Variants in OR14A2 observed in about 807,000 individuals in gnomAD.
OR14A2 encodes olfactory receptor family 14 subfamily A member 2, also known as olfactory receptor 14A2.
For synonymous variants in OR14A2, 114 were observed against 58.6 expected (o/e 1.95, Z -4.32); for missense variants, 237 against 152.9 (o/e 1.55, Z -2.90).
At chr1:247,723,690 A>G (rs1387299539) in exon 1 of OR14A2, 7 of 718,656 alleles carry the variant, frequency 9.7e-6, no homozygotes, top group Non-Finnish European at 5.2e-6. Context: ...CATAGCGGTC[A>G]TAGGACATGG....
the OR14A2 span, among the ~76,000 whole-genome samples, chr1:247,743,959 A>G: frequency 1.3e-5 from 2 of 152,186 alleles, no homozygotes; most frequent in Non-Finnish European, 2.9e-5. Context: ...ATTTTAGATC[A>G]ATTATCTACC....
the OR14A2 span, chr1:247,738,675 C>G: frequency 1.3e-6 from 1 of 780,728 alleles, no homozygotes; most frequent in Non-Finnish European, 2.4e-6. Flanking sequence ...GAATTGGGTG[C>G]TCCTGAGGCT....
chr1:247,738,584 T>G, the OR14A2 span: 1 of 734,238 alleles, frequency 1.4e-6, no homozygotes, highest in Non-Finnish European at 2.5e-6. Flanking sequence ...TTATTTTCCT[T>G]TACTCCATAG....
At chr1:247,723,855 G>T (rs1284763357) in exon 1 of OR14A2, 1 of 717,704 alleles carries the variant, frequency 1.4e-6, no homozygotes, top group South Asian at 1.5e-5. Context: ...AAAAGGATAA[G>T]TTCTTCAGGA....
upstream of OR14A2, among the ~76,000 whole-genome samples, chr1:247,725,517 TTTATTTATTTA>T (rs1660324192): frequency 6.7e-6 from 1 of 148,256 alleles, no homozygotes; most frequent in African/African-American, 2.6e-5. Flanking sequence ...TTATTTATTT[TTTATTTATTTA>T]TTTTTTTTAT....
At chr1:247,728,130 T>C, upstream of OR14A2, among the ~76,000 whole-genome samples, 1 of 151,438 alleles carries the variant, frequency 6.6e-6, no homozygotes, top group Non-Finnish European at 1.5e-5. Flanking sequence ...AAAAAGAGAA[T>C]TTTAGACCAA....
At chr1:247,747,536 G>A in the OR14A2 span, among the ~76,000 whole-genome samples, 4 of 151,816 alleles carry the variant, frequency 2.6e-5, no homozygotes, top group African/African-American at 7.2e-5. Flanking sequence ...TAATTTTTTT[G>A]TATTTTTGGT....
At chr1:247,745,637 TA>T in the OR14A2 span, among the ~76,000 whole-genome samples, 1 of 152,086 alleles carries the variant, frequency 6.6e-6, no homozygotes, top group Non-Finnish European at 1.5e-5. Flanking sequence ...CTACAGGACC[TA>T]AATTTTCTAA....
At chr1:247,723,494 T>C (rs1430200204) in exon 1 of OR14A2, 1 of 717,762 alleles carries the variant, frequency 1.4e-6, no homozygotes, top group Admixed American at 2.0e-5. Flanking sequence ...CAGGAAATCC[T>C]TAGTAATGAA....
chr1:247,746,182 C>G, the OR14A2 span: 25,443 of 152,122 alleles, frequency 0.17, 4,070 homozygotes, highest in African/African-American at 0.43. Context: ...ACTTCTGTAA[C>G]TATTCATCTT....
chr1:247,735,925 AT>A, the OR14A2 span, among the ~76,000 whole-genome samples: 1 of 152,152 alleles, frequency 6.6e-6, no homozygotes, highest in Admixed American at 6.5e-5. Flanking sequence ...TAGACATTTC[AT>A]TTTTATTTTC....
At chr1:247,740,782 A>T in the OR14A2 span, among the ~76,000 whole-genome samples, 2 of 152,180 alleles carry the variant, frequency 1.3e-5, no homozygotes, top group African/African-American at 4.8e-5. Context: ...GGAAATTAAC[A>T]TTTGTTGCCT....
the OR14A2 span, among the ~76,000 whole-genome samples, chr1:247,734,778 T>C: frequency 6.6e-6 from 1 of 152,162 alleles, no homozygotes; most frequent in African/African-American, 2.4e-5. Context: ...GAAGGTCTAA[T>C]CTAAACGTCA....
At chr1:247,742,790 G>C in the OR14A2 span, among the ~76,000 whole-genome samples, 1 of 151,960 alleles carries the variant, frequency 6.6e-6, no homozygotes, top group Admixed American at 6.6e-5. Context: ...ACAAAGATGG[G>C]GAAAGACACA....
chr1:247,728,373 AC>A (rs1481188268), upstream of OR14A2, among the ~76,000 whole-genome samples: 3 of 151,914 alleles, frequency 2.0e-5, no homozygotes, highest in Non-Finnish European at 2.9e-5. Flanking sequence ...AAATTCAACA[AC>A]CCTTCATGCT....
the OR14A2 span, among the ~76,000 whole-genome samples, chr1:247,747,510 C>T: frequency 6.6e-5 from 10 of 151,876 alleles, no homozygotes; most frequent in Admixed American, 2.0e-4. Context: ...TACAGGCGCT[C>T]GCCACCACGC....
the OR14A2 span, among the ~76,000 whole-genome samples, chr1:247,738,053 A>G: frequency 6.6e-6 from 1 of 152,218 alleles, no homozygotes; most frequent in Non-Finnish European, 1.5e-5. Flanking sequence ...AAAAAATGAT[A>G]CTATAATCAC....
At chr1:247,732,358 A>G in the OR14A2 span, among the ~76,000 whole-genome samples, 237 of 152,242 alleles carry the variant, frequency 1.6e-3, 5 homozygotes, top group East Asian at 0.028. Context: ...TGATGGAGGA[A>G]ACTAAAATGG....
chr1:247,734,229 G>A, the OR14A2 span, among the ~76,000 whole-genome samples: 1 of 152,018 alleles, frequency 6.6e-6, no homozygotes, highest in Non-Finnish European at 1.5e-5. Flanking sequence ...AGAGACCCTG[G>A]GGGCACGCAT....
Sources: gnomAD v4.1 joint callset for allele counts (sites outside exome capture counted in the v4.1 genomes callset) on GRCh38, gnomAD v4.1.1 for gene constraint, MANE v1.5 for transcripts, NCBI Gene and HGNC (gene_info 2026-07-23, HGNC 2026-07-21) for gene names.